Variants in RNF111 observed in about 807,000 individuals in gnomAD.
RNF111 encodes the protein ring finger protein 111.
Under a neutral mutation model 95.1 loss-of-function variants are expected in RNF111, and 17 were observed. The ratio of observed to expected loss-of-function variants is 0.18; its 90% CI spans 0.12 to 0.27. The LOEUF is 0.27. Among genes scored for constraint, RNF111 ranks in the 10% least tolerant of loss-of-function variants. The pLI is 1.00. For missense variants in RNF111, 1,189 were observed against 1,210.4 expected, an observed-to-expected ratio of 0.98 and a Z score of 0.26; for synonymous variants, 440 against 414.8, an observed-to-expected ratio of 1.06 and a Z score of -0.74.
chr15:59,067,184 C>G (rs1343097833), intron 6 of RNF111, 101 bp downstream of exon 6: 2 of 991,030 alleles, frequency 2.0e-6, no homozygotes, highest in East Asian at 2.5e-5. Flanking sequence ...ATTCCTGTCT[C>G]TCTCCCTCCC....
Position 59,031,560 on chromosome 15 carries a change from A to G in RNF111, c.738A>G (p.Lys246=), listed in dbSNP as rs928497264. 1 of 1,614,228 alleles carries G rather than the reference A, an allele frequency of 6.2e-7. No individual in the cohort carries two copies. Among genetic ancestry groups the G allele is most frequent in the Non-Finnish European group, 8.5e-7 (1 of 1,180,036 alleles). Residue 246 remains lysine (K), a synonymous_variant, in exon 2 of 14, where the codon AAA becomes AAG. Transcript: ENST00000348370. ...RKKREVLARR[K]YALLPSSSSS... ...AACGAGAAGTGTTAGCTCGAAGAAAATATGCCTTGCTACCTAGTTCTAGTA... is the reference window on the plus strand; with the variant it reads ...AACGAGAAGTGTTAGCTCGAAGAAAGTATGCCTTGCTACCTAGTTCTAGTA...
chr15:59,040,876 AAAT>A (rs1441108927), intron 2 of RNF111, among the ~76,000 whole-genome samples: 1 of 152,220 alleles, frequency 6.6e-6, no homozygotes, highest in Non-Finnish European at 1.5e-5. Context: ...TATTTTTAAA[AAAT>A]TTAATTTCGC....
intron 1 of RNF111, among the ~76,000 whole-genome samples, chr15:59,009,905 G>C (rs2039715314): frequency 6.6e-6 from 1 of 152,160 alleles, no homozygotes; most frequent in Admixed American, 6.5e-5. Context: ...GCAGTGAGCT[G>C]TGATCCTGCC....
At chr15:59,058,032 C>T (rs771169916) in intron 4 of RNF111, among the ~76,000 whole-genome samples, 18 of 152,174 alleles carry the variant, frequency 1.2e-4, no homozygotes, top group Non-Finnish European at 2.4e-4. Flanking sequence ...TAGTAAGGAA[C>T]TTTTATTTCC....
intron 2 of RNF111, among the ~76,000 whole-genome samples, chr15:59,042,347 G>C (rs1413144674): frequency 3.3e-5 from 5 of 152,050 alleles, no homozygotes; most frequent in Non-Finnish European, 7.4e-5. Context: ...GGCTGGTCTT[G>C]AACTTCTGAG....
At chr15:59,022,187 A>ATT (rs1362577562) in intron 1 of RNF111, among the ~76,000 whole-genome samples, 3 of 152,070 alleles carry the variant, frequency 2.0e-5, no homozygotes, top group Non-Finnish European at 4.4e-5. Flanking sequence ...TTTTGGAAAT[A>ATT]TTTTATAAGA....
At chr15:59,039,488 T>C (rs111764087) in intron 2 of RNF111, among the ~76,000 whole-genome samples, 3 of 152,356 alleles carry the variant, frequency 2.0e-5, no homozygotes, top group African/African-American at 7.2e-5. Context: ...TCATTATGAA[T>C]GCATGAATTT....
At position 59,055,777 on chromosome 15, in the gene RNF111, T is replaced by A; in HGVS notation, c.1103T>A (p.Ile368Asn). 6.2e-7 allele frequency: 1 copy of A among 1,613,978 alleles called. No individual in the cohort carries two copies. Among genetic ancestry groups the A allele is most frequent in the Non-Finnish European group, 8.5e-7 (1 of 1,179,892 alleles). The change falls in exon 4 of 14, where the codon ATT becomes AAT. Residue 368 changes from isoleucine to asparagine, a missense_variant. By Grantham distance (149) the Ile-to-Asn change is moderately radical. This residue lies in a region of RNF111 where 1,024 missense variants were observed against 925.9 expected (regional missense o/e 1.11). Coordinates refer to ENST00000348370, the MANE Select transcript of RNF111 (RefSeq NM_017610.8). ...CAGGAGCCACGGAACCGCAGTAGGATTTCTACTGTTATACAGCCCTTGAGG... is the reference window on the plus strand; with the variant it reads ...CAGGAGCCACGGAACCGCAGTAGGAATTCTACTGTTATACAGCCCTTGAGG... ...RPQEPRNRSR[I>N]STVIQPLRQN...
At chr15:59,033,372 T>C (rs1382417160) in intron 2 of RNF111, among the ~76,000 whole-genome samples, 5 of 152,226 alleles carry the variant, frequency 3.3e-5, no homozygotes, top group Admixed American at 2.6e-4. Context: ...GGCTTGGCCA[T>C]GTTCAGATCA....
At chr15:59,051,607 C>G (rs1204556127) in intron 2 of RNF111, among the ~76,000 whole-genome samples, 1 of 151,764 alleles carries the variant, frequency 6.6e-6, no homozygotes, top group African/African-American at 2.4e-5. Flanking sequence ...GAAACCCCAT[C>G]TCTACTAAAA....
At chr15:59,003,554 A>G (rs1265365982) in intron 1 of RNF111, among the ~76,000 whole-genome samples, 1 of 151,104 alleles carries the variant, frequency 6.6e-6, no homozygotes. Context: ...GCGTGCTACC[A>G]CACCCAGCTA....
At chr15:59,016,406 G>A (rs1198140799) in intron 1 of RNF111, among the ~76,000 whole-genome samples, 1 of 151,912 alleles carries the variant, frequency 6.6e-6, no homozygotes, top group Admixed American at 6.6e-5. Flanking sequence ...TTGACTTCGT[G>A]ATCTGCCCAC....
chr15:59,053,323 G>A (rs2042070947), intron 3 of RNF111, among the ~76,000 whole-genome samples: 1 of 152,076 alleles, frequency 6.6e-6, no homozygotes, highest in Admixed American at 6.6e-5. Context: ...ATGATTATAA[G>A]TATTGGTAAT....
At chr15:59,032,000 G>A (rs555634451) in intron 2 of RNF111, among the ~76,000 whole-genome samples, 61 of 151,970 alleles carry the variant, frequency 4.0e-4, no homozygotes, top group African/African-American at 1.3e-3. Flanking sequence ...GTGCAGTGGC[G>A]CAATCTCGGC....
At chr15:59,051,963 G>A (rs1470223612) in intron 2 of RNF111, among the ~76,000 whole-genome samples, 1 of 151,774 alleles carries the variant, frequency 6.6e-6, no homozygotes, top group Admixed American at 6.6e-5. Flanking sequence ...TTATATAGTA[G>A]AATATCTTAT....
In RNF111 at chr15:59,076,077, C is replaced by G. The variant is rs2043152652; in HGVS notation, c.1810C>G (p.His604Asp). ...VSSSRAAIFG[H>D]QAAAAAPSQP... is the part of the protein sequence containing the mutation. ...TTCCTCCCGAGCTGCAATCTTTGGCCATCAGGCCGCTGCTGCTGCCCCAAG... is the reference window on the plus strand; with the variant it reads ...TTCCTCCCGAGCTGCAATCTTTGGCGATCAGGCCGCTGCTGCTGCCCCAAG... The change falls in exon 7 of 14, where the codon CAT (histidine) becomes GAT (aspartate). Residue 604 changes from histidine to aspartate, a missense_variant. Physicochemically the swap from His to Asp is moderately conservative, Grantham distance 81. Transcript: ENST00000348370. 6.2e-7 allele frequency: 1 copy of G among 1,614,090 alleles called. No homozygotes were observed. The highest frequency in any genetic ancestry group is 1.3e-5 in the African/African-American group (1 of 74,940).
At chr15:59,061,243 C>T (rs182433457) in intron 5 of RNF111, among the ~76,000 whole-genome samples, 19 of 152,142 alleles carry the variant, frequency 1.2e-4, no homozygotes, top group Admixed American at 1.2e-3. Flanking sequence ...CCTAAATGGG[C>T]CTCTCTTAAG....
chr15:59,069,436 A>G (rs1200957842), intron 6 of RNF111, among the ~76,000 whole-genome samples: 2 of 152,236 alleles, frequency 1.3e-5, no homozygotes, highest in Non-Finnish European at 2.9e-5. Context: ...TTTACAGAAT[A>G]TTTTGTTATT....
intron 6 of RNF111, among the ~76,000 whole-genome samples, chr15:59,074,932 T>C (rs1010067596): frequency 3.3e-5 from 5 of 152,214 alleles, no homozygotes; most frequent in African/African-American, 1.2e-4. Context: ...TTCAATGTTG[T>C]TGTGTCTCAG....
Sources: gnomAD v4.1 joint callset for allele counts (sites outside exome capture counted in the v4.1 genomes callset) on GRCh38, gnomAD v4.1.1 for gene constraint, gnomAD v4.1.1 regional missense constraint, MANE v1.5 for transcripts, NCBI Gene and HGNC (gene_info 2026-07-23, HGNC 2026-07-21) for gene names.